The following QTMAN variants were observed in gnomAD, a reference collection of about 807,000 sequenced individuals.
The protein encoded by QTMAN is queuosine-tRNA mannosyltransferase, also known as tRNA-queuosine alpha-mannosyltransferase.
At chr2:144,190,685 G>C in the QTMAN span, among the ~76,000 whole-genome samples, 1 of 152,114 alleles carries the variant, frequency 6.6e-6, no homozygotes, top group Non-Finnish European at 1.5e-5. Context: ...TCATTTCCAA[G>C]AAATATTCAA....
chr2:144,143,021 G>C, the QTMAN span, among the ~76,000 whole-genome samples: 1 of 151,986 alleles, frequency 6.6e-6, no homozygotes, highest in African/African-American at 2.4e-5. Context: ...ACAAATCTCA[G>C]TCAGCCACAT....
At chr2:144,008,537 C>A in the QTMAN span, among the ~76,000 whole-genome samples, 3 of 151,986 alleles carry the variant, frequency 2.0e-5, no homozygotes, top group Admixed American at 6.6e-5. Context: ...GATGTAAGGT[C>A]TAGAGGGGTA....
chr2:144,049,870 T>A, the QTMAN span, among the ~76,000 whole-genome samples: 3 of 152,188 alleles, frequency 2.0e-5, no homozygotes, highest in African/African-American at 7.2e-5. Context: ...AAATCTATTA[T>A]GTTTACATTT....
chr2:143,956,217 T>C, the QTMAN span, among the ~76,000 whole-genome samples: 1 of 152,210 alleles, frequency 6.6e-6, no homozygotes, highest in Non-Finnish European at 1.5e-5. Flanking sequence ...TTAGAAATTA[T>C]CTTGAATAGT....
chr2:144,315,181 G>A, the QTMAN span, among the ~76,000 whole-genome samples: 1 of 152,108 alleles, frequency 6.6e-6, no homozygotes, highest in African/African-American at 2.4e-5. Context: ...CATCGCATCC[G>A]GCCCATAAAG....
At chr2:143,991,784 G>A in the QTMAN span, among the ~76,000 whole-genome samples, 1 of 148,014 alleles carries the variant, frequency 6.8e-6, no homozygotes, top group African/African-American at 2.5e-5. Context: ...GGAGGGAGGT[G>A]GGGGGTCAGC....
At chr2:144,182,582 T>C in the QTMAN span, among the ~76,000 whole-genome samples, 1 of 136,466 alleles carries the variant, frequency 7.3e-6, no homozygotes, top group Non-Finnish European at 1.5e-5. Flanking sequence ...AGGCGGAGTT[T>C]GCAGTGAGCC....
At chr2:144,100,579 T>TTCC in the QTMAN span, among the ~76,000 whole-genome samples, 18 of 152,216 alleles carry the variant, frequency 1.2e-4, no homozygotes, top group African/African-American at 4.1e-4. Context: ...GTTCCTGAAA[T>TTCC]TCCTCCTCCT....
At chr2:144,097,496 T>G in the QTMAN span, among the ~76,000 whole-genome samples, 1 of 152,142 alleles carries the variant, frequency 6.6e-6, no homozygotes, top group Non-Finnish European at 1.5e-5. Flanking sequence ...GTGTGTCTGT[T>G]TGAGTTTGAA....
At chr2:144,066,071 T>A in the QTMAN span, among the ~76,000 whole-genome samples, 13 of 152,146 alleles carry the variant, frequency 8.5e-5, no homozygotes, top group African/African-American at 2.9e-4. Context: ...TTGAAAAAAA[T>A]ATCTTCTGCA....
At chr2:144,106,347 C>T in the QTMAN span, among the ~76,000 whole-genome samples, 16 of 152,098 alleles carry the variant, frequency 1.1e-4, no homozygotes, top group Admixed American at 5.2e-4. Flanking sequence ...CAGTGTGCTG[C>T]ATTCAGGAGA....
the QTMAN span, among the ~76,000 whole-genome samples, chr2:144,146,077 AAAGAT>A: frequency 2.4e-4 from 36 of 150,356 alleles, no homozygotes; most frequent in African/African-American, 8.5e-4. Flanking sequence ...CAAATGGAAC[AAAGAT>A]AAGACTGACT....
At chr2:143,993,825 T>C in the QTMAN span, among the ~76,000 whole-genome samples, 3 of 152,064 alleles carry the variant, frequency 2.0e-5, no homozygotes, top group African/African-American at 4.8e-5. Flanking sequence ...TCAAACAAGG[T>C]AATAATTTGG....
chr2:143,990,094 C>T, the QTMAN span, among the ~76,000 whole-genome samples: 1 of 151,942 alleles, frequency 6.6e-6, no homozygotes, highest in African/African-American at 2.4e-5. Flanking sequence ...GGGTTACGCA[C>T]CACTGTCCTA....
the QTMAN span, among the ~76,000 whole-genome samples, chr2:144,106,762 G>C: frequency 1.3e-5 from 2 of 152,266 alleles, no homozygotes; most frequent in African/African-American, 4.8e-5. Context: ...GGACCTAATA[G>C]ACATCTACAG....
the QTMAN span, among the ~76,000 whole-genome samples, chr2:144,306,597 TTG>T: frequency 6.6e-6 from 1 of 152,108 alleles, no homozygotes; most frequent in Non-Finnish European, 1.5e-5. Flanking sequence ...CTGAATACCA[TTG>T]TGAGTTAGCA....
At chr2:144,140,680 C>A in the QTMAN span, among the ~76,000 whole-genome samples, 2 of 151,952 alleles carry the variant, frequency 1.3e-5, no homozygotes, top group Non-Finnish European at 2.9e-5. Flanking sequence ...CTGTTTTTGA[C>A]AAATGACCTG....
the QTMAN span, among the ~76,000 whole-genome samples, chr2:144,008,324 GT>G: frequency 6.6e-6 from 1 of 150,876 alleles, no homozygotes; most frequent in Admixed American, 6.6e-5. Context: ...GGCCATTCCA[GT>G]TTTTTTTTAA....
At chr2:144,277,795 C>T in the QTMAN span, among the ~76,000 whole-genome samples, 3 of 152,030 alleles carry the variant, frequency 2.0e-5, no homozygotes, top group African/African-American at 7.3e-5. Context: ...GTCTCATGCC[C>T]CTTTCCTTTT....
Sources: allele counts gnomAD v4.1 joint callset (sites outside exome capture counted in the v4.1 genomes callset), GRCh38; gene constraint gnomAD v4.1.1; transcripts MANE v1.5; gene names NCBI Gene and HGNC (gene_info 2026-07-23, HGNC 2026-07-21).